Variants in GRK4 observed in about 807,000 individuals in gnomAD.
The protein encoded by GRK4 is G protein-coupled receptor kinase 2-like.
A neutral mutation model predicts 77.9 loss-of-function variants in GRK4; 73 were observed. The ratio of observed to expected loss-of-function variants is 0.94; its 90% CI spans 0.78 to 1.14. The LOEUF is 1.14. Among genes scored for constraint, GRK4 ranks in the 50% most tolerant of loss-of-function variants. GRK4 has a pLI of 0.00. For synonymous variants in GRK4, 257 were observed against 254.4 expected (o/e 1.01, Z -0.10); for missense variants, 729 against 700.2 (o/e 1.04, Z -0.46).
intron 1 of GRK4, among the ~76,000 whole-genome samples, chr4:2,983,209 T>G (rs1723332566): frequency 1.3e-5 from 2 of 152,224 alleles, no homozygotes; most frequent in Admixed American, 1.3e-4. Flanking sequence ...ATCTTCCAAA[T>G]GTCTGTCTCT....
At chr4:3,005,540 C>T (rs1165021639) in intron 5 of GRK4, among the ~76,000 whole-genome samples, 4 of 152,230 alleles carry the variant, frequency 2.6e-5, no homozygotes, top group Admixed American at 6.6e-5. Context: ...CGGTGGCTCA[C>T]GCCGGTAATC....
intron 1 of GRK4, among the ~76,000 whole-genome samples, chr4:2,969,935 G>A (rs1275949090): frequency 6.6e-6 from 1 of 152,172 alleles, no homozygotes; most frequent in African/African-American, 2.4e-5. Flanking sequence ...TCCCACTTCA[G>A]CCTCCCAAAG....
intron 9 of GRK4, among the ~76,000 whole-genome samples, chr4:3,021,432 A>G (rs1736050248): frequency 6.6e-6 from 1 of 152,144 alleles, no homozygotes; most frequent in Non-Finnish European, 1.5e-5. Context: ...GCTTCTTGGG[A>G]GTCCTTGATC....
intron 4 of GRK4, among the ~76,000 whole-genome samples, chr4:2,995,135 A>G (rs866943443): frequency 1.3e-5 from 2 of 152,164 alleles, no homozygotes; most frequent in African/African-American, 4.8e-5. Context: ...ACGGCTGCAT[A>G]GTATTCCATA....
rs371424494 is a variant in GRK4 at position 3,004,638 on chromosome 4, AGTATGCTAGAAAAAATAAAGT to A, written c.443+307_443+327del. Among the ~76,000 whole-genome samples, 110 of 152,344 alleles carry A rather than the reference AGTATGCTAGAAAAAATAAAGT, an allele frequency of 7.2e-4. 1 individual carries two copies. The highest frequency in any genetic ancestry group is 2.4e-3 in the African/African-American group (99 of 41,580). On this transcript the variant is annotated intron_variant, in intron 5 of 15. Coordinates refer to ENST00000398052, the MANE Select transcript of GRK4 (RefSeq NM_182982.3). ...ATTATATGCTATACTCTTACAATAAAGTATGCTAGAAAAAATAAAGTGTTACTAAGAAAATCATAAGGAAGA... is the reference window on the plus strand; with the variant it reads ...ATTATATGCTATACTCTTACAATAAAGTTACTAAGAAAATCATAAGGAAGA...
intron 12 of GRK4, among the ~76,000 whole-genome samples, chr4:3,031,332 G>C (rs1370620783): frequency 6.6e-6 from 1 of 152,220 alleles, no homozygotes; most frequent in Non-Finnish European, 1.5e-5. Context: ...GCAGGTGTGA[G>C]GAAAGGGGAG....
intron 1 of GRK4, chr4:2,965,574 G>A (rs879944636): frequency 1.4e-4 from 91 of 653,396 alleles, no homozygotes; most frequent in Admixed American, 2.1e-4. Context: ...GCCGAAGGTG[G>A]CGGCCACGCT....
chr4:3,020,628 G>T (rs1369523498), intron 9 of GRK4, among the ~76,000 whole-genome samples: 2 of 152,016 alleles, frequency 1.3e-5, no homozygotes, highest in Admixed American at 1.3e-4. Flanking sequence ...GAGTTCCTGG[G>T]CTCTGAGTCT....
chr4:3,040,637 C>G lies in GRK4; in HGVS notation c.*12C>G, dbSNP rs749419328. On this transcript the variant is annotated 3_prime_UTR_variant, in exon 16 of 16. Coordinates refer to ENST00000398052, the MANE Select transcript of GRK4 (RefSeq NM_182982.3). ...CCAAGCAATGCTGAGCACCCCGGTG[C>G]GGACCACAGAGCAGACCCTGGCGCC... 6.2e-7 allele frequency: 1 copy of G among 1,608,006 alleles called. No homozygotes were observed. The highest frequency in any genetic ancestry group is 8.5e-7 in the Non-Finnish European group (1 of 1,177,056).
intron 2 of GRK4, among the ~76,000 whole-genome samples, chr4:2,985,210 A>G (rs1164085406): frequency 6.6e-6 from 1 of 151,608 alleles, no homozygotes; most frequent in Non-Finnish European, 1.5e-5. Flanking sequence ...CAGGAGATCG[A>G]GACCACGGTG....
At chr4:2,972,398 C>T (rs1034215195) in intron 1 of GRK4, among the ~76,000 whole-genome samples, 43 of 152,230 alleles carry the variant, frequency 2.8e-4, no homozygotes, top group African/African-American at 7.2e-4. Flanking sequence ...TGACCGGGCC[C>T]GGGCCAAACA....
chr4:2,996,690 G>A (rs1728029970), intron 4 of GRK4, among the ~76,000 whole-genome samples: 2 of 151,548 alleles, frequency 1.3e-5, no homozygotes, highest in African/African-American at 4.8e-5. Context: ...ATGTTTATGG[G>A]CTGCCTGGAG....
chr4:3,023,575 C>T (rs1736656653), intron 10 of GRK4, among the ~76,000 whole-genome samples: 1 of 152,164 alleles, frequency 6.6e-6, no homozygotes, highest in African/African-American at 2.4e-5. Flanking sequence ...AAGGAGGGTA[C>T]TGGAATTCTC....
At chr4:3,013,576 C>T (rs960666290) in intron 7 of GRK4, 112 bp from the exon 8 acceptor site, 1 of 1,287,292 alleles carries the variant, frequency 7.8e-7, no homozygotes, top group Non-Finnish European at 1.1e-6. Flanking sequence ...GCTCCTCATG[C>T]ACTGCTGCTG....
intron 5 of GRK4, among the ~76,000 whole-genome samples, chr4:3,005,995 T>G (rs1560437022): frequency 2.0e-5 from 3 of 151,976 alleles, no homozygotes; most frequent in Non-Finnish European, 4.4e-5. Flanking sequence ...CCTAACCAGG[T>G]GTATGGCACC....
At chr4:2,981,836 CTGTT>C (rs1235038224) in intron 1 of GRK4, among the ~76,000 whole-genome samples, 2 of 152,232 alleles carry the variant, frequency 1.3e-5, no homozygotes, top group Non-Finnish European at 2.9e-5. Flanking sequence ...GGTGCCCTGG[CTGTT>C]TGTGTGCCCT....
intron 3 of GRK4, among the ~76,000 whole-genome samples, 171 bp from the exon 4 acceptor site, chr4:2,992,043 CT>C (rs34577267): frequency 0.38 from 54,421 of 143,044 alleles, 10,404 homozygotes; most frequent in African/African-American, 0.48. Flanking sequence ...AGAAGCTTAA[CT>C]TTTTTTTTTT....
At chr4:2,985,414 A>G (rs532957989) in intron 2 of GRK4, among the ~76,000 whole-genome samples, 1 of 151,674 alleles carries the variant, frequency 6.6e-6, no homozygotes, top group East Asian at 1.9e-4. Flanking sequence ...AAAAAAAAAA[A>G]AAATTATTGA....
intron 4 of GRK4, among the ~76,000 whole-genome samples, chr4:2,992,783 C>G (rs927519440): frequency 2.1e-4 from 32 of 151,986 alleles, no homozygotes; most frequent in Non-Finnish European, 2.9e-5. Context: ...GAGTTCAAAA[C>G]CAACCTGGGC....
Sources: allele counts gnomAD v4.1 joint callset (sites outside exome capture counted in the v4.1 genomes callset), GRCh38; gene constraint gnomAD v4.1.1; transcripts MANE v1.5; gene names NCBI Gene and HGNC (gene_info 2026-07-23, HGNC 2026-07-21).